The following MYO10 variants were observed in gnomAD, a reference collection of about 807,000 sequenced individuals.
The protein encoded by MYO10 is unconventional myosin-X.
Under a neutral mutation model 257.3 loss-of-function variants are expected in MYO10, and 133 were observed. That is an observed-to-expected ratio of 0.52 (90% CI 0.45 to 0.60). The LOEUF is 0.60. Among genes scored for constraint, MYO10 ranks in the 20% least tolerant of loss-of-function variants. The pLI is 0.00. For missense variants in MYO10, 2,399 were observed against 2,635.7 expected (o/e 0.91, Z 1.97); for synonymous variants, 1,104 against 1,028.6 (o/e 1.07, Z -1.40).
intron 2 of MYO10, among the ~76,000 whole-genome samples, chr5:16,860,299 A>C (rs1580083881): frequency 6.6e-6 from 1 of 152,158 alleles, no homozygotes; most frequent in Admixed American, 6.5e-5. Flanking sequence ...GGAAGTAAAT[A>C]GCAAATAAGT....
At position 16,866,058 on chromosome 5, in the gene MYO10, C is replaced by CACACACACAA. The variant is rs1491356491; in HGVS notation, c.120+11550_120+11551insTTGTGTGTGT. 6.4e-3 allele frequency among the ~76,000 whole-genome samples: 843 copies of CACACACACAA among 131,518 alleles called. 7 individuals are homozygous for CACACACACAA. The highest frequency in any genetic ancestry group is 0.021 in the African/African-American group (778 of 36,992). 86.3% of individuals were successfully genotyped at this position (131,518 alleles called of 152,430 possible). A position where few individuals can be genotyped will look rare whatever the true frequency, so the allele number is the denominator to read the frequency against. On this transcript the variant is annotated intron_variant, in intron 2 of 40. Coordinates refer to ENST00000513610, the MANE Select transcript of MYO10 (RefSeq NM_012334.3). Reference sequence around the variant, plus strand: ...ACACACACACACACACACACACACACAAAACAATAGAGGAAAACCCAAGCT... The same window carrying CACACACACAA: ...ACACACACACACACACACACACACACACACACACAAAAAACAATAGAGGAAAACCCAAGCT...
intron 9 of MYO10, among the ~76,000 whole-genome samples, chr5:16,776,842 A>G (rs25908): frequency 0.95 from 145,488 of 152,350 alleles, 69,723 homozygotes; most frequent in African/African-American, 0.98. Context: ...CTAGCGGCCA[A>G]CAAGCGAGCT....
intron 1 of MYO10, among the ~76,000 whole-genome samples, chr5:16,892,470 C>T (rs1016288950): frequency 1.3e-5 from 2 of 151,988 alleles, no homozygotes; most frequent in Non-Finnish European, 2.9e-5. Flanking sequence ...GTGAGACCCC[C>T]GTCACTACAA....
intron 1 of MYO10, among the ~76,000 whole-genome samples, chr5:16,928,730 A>G (rs1344844492): frequency 6.6e-6 from 1 of 150,866 alleles, no homozygotes; most frequent in Non-Finnish European, 1.5e-5. Context: ...CTGTAGTCCC[A>G]GCTACTTGGG....
chr5:16,933,937 AG>A (rs1746363893), intron 1 of MYO10, among the ~76,000 whole-genome samples: 1 of 152,222 alleles, frequency 6.6e-6, no homozygotes, highest in Non-Finnish European at 1.5e-5. Flanking sequence ...CCAGCAGCAA[AG>A]GAAAAAGGCT....
At chr5:16,851,458 T>C (rs1223185309) in intron 2 of MYO10, among the ~76,000 whole-genome samples, 1 of 152,130 alleles carries the variant, frequency 6.6e-6, no homozygotes, top group Non-Finnish European at 1.5e-5. Context: ...CTCGGAAACT[T>C]GGGTCACATG....
chr5:16,664,832 A>G lies in MYO10; in HGVS notation c.*1860T>C, dbSNP rs1158953103. ...TCTTGAAGTCACACTCAGTGTCTAC[A>G]AGAGCAGTGGAGACAGCTGCAGATC... On this transcript the variant is annotated 3_prime_UTR_variant, in exon 41 of 41. Coordinates refer to ENST00000513610, the MANE Select transcript of MYO10 (RefSeq NM_012334.3). 1.3e-5 allele frequency: 2 copies of G among 152,206 alleles called. No homozygotes were observed. Among genetic ancestry groups the G allele is most frequent in the Admixed American group, 6.5e-5 (1 of 15,286 alleles). 9.4% of individuals were successfully genotyped at this position (152,206 alleles called of 1,614,324 possible).
chr5:16,703,480 G>A (rs1738181766), intron 22 of MYO10, among the ~76,000 whole-genome samples: 1 of 152,116 alleles, frequency 6.6e-6, no homozygotes, highest in African/African-American at 2.4e-5. Flanking sequence ...ATATTCTCCT[G>A]TTCATATGAA....
At chr5:16,727,309 A>G (rs1739407801) in intron 19 of MYO10, among the ~76,000 whole-genome samples, 1 of 152,224 alleles carries the variant, frequency 6.6e-6, no homozygotes, top group Admixed American at 6.5e-5. Flanking sequence ...CTGGTTTATA[A>G]GGACTTGGAG....
At chr5:16,729,150 A>G (rs1459674024) in intron 19 of MYO10, among the ~76,000 whole-genome samples, 1 of 152,186 alleles carries the variant, frequency 6.6e-6, no homozygotes, top group East Asian at 1.9e-4. Flanking sequence ...TAAAGCTCCT[A>G]AGATATTTAT....
intron 1 of MYO10, among the ~76,000 whole-genome samples, chr5:16,894,557 G>C (rs554016924): frequency 1.3e-5 from 2 of 152,320 alleles, no homozygotes; most frequent in South Asian, 2.1e-4. Context: ...GGCTAACTCT[G>C]AGAAAGAAGG....
intron 19 of MYO10, among the ~76,000 whole-genome samples, chr5:16,733,101 T>G (rs894352424): frequency 6.6e-6 from 1 of 152,168 alleles, no homozygotes. Context: ...GCCATTGCAC[T>G]CCAGCCTGGG....
At chr5:16,869,586 C>T (rs1195475090) in intron 2 of MYO10, among the ~76,000 whole-genome samples, 2 of 151,946 alleles carry the variant, frequency 1.3e-5, no homozygotes, top group African/African-American at 2.4e-5. Context: ...AGAAGGTGGC[C>T]GGACGTGGTA....
chr5:16,681,894 T>A lies in MYO10; in HGVS notation c.4166A>T (p.Glu1389Val). ...LQRSKGDTRV[E>V]GQEFIVRGWL... ...ACCTCTCACGATGAATTCCTGGCCC[T>A]CCACTCTGGTGTCCCCTTTGGACCT... Residue 1389 changes from glutamate to valine, a missense_variant, in exon 31 of 41, where the codon GAG becomes GTG. Glu to Val is a moderately radical substitution (Grantham distance 121). This residue lies in a region of MYO10 where 1,820 missense variants were observed against 1,939.4 expected (regional missense o/e 0.94). Coordinates refer to ENST00000513610, the MANE Select transcript of MYO10 (RefSeq NM_012334.3). 1 of 1,613,966 alleles carries A rather than the reference T, an allele frequency of 6.2e-7. No homozygotes were observed. The highest frequency in any genetic ancestry group is 1.1e-5 in the South Asian group (1 of 91,080).
At chr5:16,834,106 G>GGTCT (rs1262040176) in intron 2 of MYO10, among the ~76,000 whole-genome samples, 1 of 151,942 alleles carries the variant, frequency 6.6e-6, no homozygotes, top group South Asian at 2.1e-4. Flanking sequence ...ACTCTCCTGG[G>GGTCT]GTCTGTCTGT....
chr5:16,710,772 T>C, intron 21 of MYO10, 136 bp downstream of exon 21: 1 of 714,322 alleles, frequency 1.4e-6, no homozygotes, highest in African/African-American at 1.8e-5. Flanking sequence ...AAGGTTATGG[T>C]AGGCATGGCA....
intron 19 of MYO10, among the ~76,000 whole-genome samples, chr5:16,729,207 G>A (rs972345604): frequency 6.6e-6 from 1 of 152,102 alleles, no homozygotes; most frequent in Non-Finnish European, 1.5e-5. Flanking sequence ...ATATTATTCT[G>A]TAATTTTGCA....
intron 21 of MYO10, chr5:16,710,658 C>T (rs1738557999): frequency 9.5e-6 from 5 of 526,404 alleles, no homozygotes; most frequent in Non-Finnish European, 1.7e-5. Context: ...TACCCACACA[C>T]AAACAATTAG....
At chr5:16,885,403 G>T (rs1468705596) in intron 1 of MYO10, among the ~76,000 whole-genome samples, 1 of 152,306 alleles carries the variant, frequency 6.6e-6, no homozygotes, top group East Asian at 1.9e-4. Context: ...CGGGCACAGT[G>T]GCTCATGCCT....
Sources: gnomAD v4.1 joint callset for allele counts (sites outside exome capture counted in the v4.1 genomes callset) on GRCh38, gnomAD v4.1.1 for gene constraint, gnomAD v4.1.1 regional missense constraint, MANE v1.5 for transcripts, NCBI Gene and HGNC (gene_info 2026-07-23, HGNC 2026-07-21) for gene names.